The following RFTN2 variants were observed in gnomAD, a reference collection of about 807,000 sequenced individuals.
RFTN2 encodes the protein raftlin family member 2.
In RFTN2, 34 loss-of-function variants were observed where a neutral mutation model predicts 52.7. The observed-to-expected ratio is 0.64, with a 90% CI of 0.49 to 0.86. The LOEUF is 0.86. RFTN2 is among the 40% of genes least tolerant of loss of function. The probability of loss-of-function intolerance (pLI) is 0.00; values close to 1 mark genes in which losing one functional copy is unlikely to be tolerated. For missense variants in RFTN2, 536 were observed against 600.1 expected (o/e 0.89, Z 1.12); for synonymous variants, 203 against 217.7 (o/e 0.93, Z 0.59).
At chr2:197,633,081 T>C (rs1192531205) in intron 4 of RFTN2, among the ~76,000 whole-genome samples, 1 of 152,198 alleles carries the variant, frequency 6.6e-6, no homozygotes, top group Non-Finnish European at 1.5e-5. Flanking sequence ...TAGTGCTTTT[T>C]TAAAGCATGC....
intron 7 of RFTN2, among the ~76,000 whole-genome samples, chr2:197,598,436 T>C (rs2087825462): frequency 6.6e-6 from 1 of 152,192 alleles, no homozygotes; most frequent in African/African-American, 2.4e-5. Context: ...GAGAATTACA[T>C]GAAAGAACCA....
chr2:197,595,371 G>C (rs1362806089), intron 8 of RFTN2, among the ~76,000 whole-genome samples: 1 of 152,150 alleles, frequency 6.6e-6, no homozygotes, highest in African/African-American at 2.4e-5. Context: ...CAGGAGAAAA[G>C]GTTTATTTTC....
chr2:197,637,724 G>A (rs1208690803), intron 3 of RFTN2, among the ~76,000 whole-genome samples: 3 of 149,692 alleles, frequency 2.0e-5, no homozygotes, highest in African/African-American at 7.3e-5. Flanking sequence ...AGGGTTTTTT[G>A]TGTCTCTATT....
chr2:197,668,107 C>A (rs1179038725), intron 1 of RFTN2, among the ~76,000 whole-genome samples: 1 of 152,082 alleles, frequency 6.6e-6, no homozygotes, highest in African/African-American at 2.4e-5. Flanking sequence ...TCTAGGCCTG[C>A]AGGTGGGTGC....
chr2:197,594,562 G>A (rs955109721), intron 8 of RFTN2, among the ~76,000 whole-genome samples: 2 of 152,182 alleles, frequency 1.3e-5, no homozygotes, highest in Non-Finnish European at 2.9e-5. Context: ...AAACTCCTGG[G>A]TTCAAGCAGT....
At chr2:197,612,613 A>G (rs888048017) in intron 7 of RFTN2, among the ~76,000 whole-genome samples, 1 of 152,240 alleles carries the variant, frequency 6.6e-6, no homozygotes, top group African/African-American at 2.4e-5. Flanking sequence ...AGTGATAACA[A>G]TTAAGAAGGG....
intron 1 of RFTN2, among the ~76,000 whole-genome samples, chr2:197,665,098 C>T (rs188691637): frequency 2.0e-5 from 3 of 152,104 alleles, no homozygotes; most frequent in Non-Finnish European, 4.4e-5. Flanking sequence ...CTCAGCATCA[C>T]GCAATATCCC....
intron 8 of RFTN2, among the ~76,000 whole-genome samples, chr2:197,591,587 G>A (rs1202025442): frequency 6.6e-6 from 1 of 152,182 alleles, no homozygotes; most frequent in Non-Finnish European, 1.5e-5. Context: ...CCGTGGGACC[G>A]TGCACACTGG....
chr2:197,617,611 G>A (rs1411090149), intron 6 of RFTN2, among the ~76,000 whole-genome samples, 189 bp downstream of exon 6: 1 of 152,032 alleles, frequency 6.6e-6, no homozygotes, highest in Admixed American at 6.6e-5. Context: ...GCCAGGGGAA[G>A]TTGAGGCTGC....
chr2:197,569,695 C>G lies in RFTN2; in HGVS notation c.*2313G>C, dbSNP rs2087286179. ...CAGTGGCTCACACCTGTAATCCCAG[C>G]ACATTGGGAGGCCAAGGTGGGTGGA... On this transcript the variant is annotated 3_prime_UTR_variant, in exon 9 of 9. Transcript: ENST00000295049. The G allele has an allele frequency of 6.6e-6, 1 of 152,158 alleles. No homozygotes were observed. Among genetic ancestry groups the G allele is most frequent in the Admixed American group, 6.5e-5 (1 of 15,270 alleles). 9.4% of individuals were successfully genotyped at this position (152,158 alleles called of 1,614,324 possible). A position where few individuals can be genotyped will look rare whatever the true frequency, so the allele number is the denominator to read the frequency against.
At position 197,644,236 on chromosome 2, in the gene RFTN2, G is replaced by T. The variant is rs2088715799; in HGVS notation, c.360C>A (p.Arg120=). The T allele has an allele frequency of 1.2e-6, 2 of 1,612,766 alleles. No individual in the cohort carries two copies. Among genetic ancestry groups the T allele is most frequent in the African/African-American group, 1.3e-5 (1 of 74,868 alleles). The stretch of plus-strand genomic sequence containing the variant: ...GACATTCCTCAATCACGAGCCTTGG[G>T]CGTCTTTGTCCACTGGGTGCTGCCG... ...KNSAAPSGQR[R]PRLVIEECPL... The change falls in exon 3 of 9, where the codon CGC becomes CGA. Residue 120 remains arginine, a synonymous_variant. Coordinates refer to ENST00000295049, the MANE Select transcript of RFTN2 (RefSeq NM_144629.3).
At chr2:197,643,701 A>G (rs2088706735) in intron 3 of RFTN2, among the ~76,000 whole-genome samples, 1 of 152,098 alleles carries the variant, frequency 6.6e-6, no homozygotes, top group Non-Finnish European at 1.5e-5. Flanking sequence ...TTTTAAGCTT[A>G]GTTTTCCTAG....
At chr2:197,616,276 T>TG in intron 6 of RFTN2, among the ~76,000 whole-genome samples, 1 of 16,418 alleles carries the variant, frequency 6.1e-5, no homozygotes, top group African/African-American at 3.4e-4. Context: ...TGCATTTTAT[T>TG]TTATTTTATT....
At chr2:197,591,889 A>C (rs951846904) in intron 8 of RFTN2, among the ~76,000 whole-genome samples, 1 of 151,484 alleles carries the variant, frequency 6.6e-6, no homozygotes, top group South Asian at 2.1e-4. Context: ...GCTTGCAAGC[A>C]CTGTGCGCAG....
chr2:197,615,468 G>A (rs1475481814), intron 7 of RFTN2, among the ~76,000 whole-genome samples: 2 of 152,222 alleles, frequency 1.3e-5, no homozygotes, highest in Non-Finnish European at 2.9e-5. Context: ...AAAGGAAAAG[G>A]AAAGTTAGTA....
intron 5 of RFTN2, among the ~76,000 whole-genome samples, chr2:197,623,191 A>T (rs1185859913): frequency 6.6e-6 from 1 of 152,272 alleles, no homozygotes; most frequent in Non-Finnish European, 1.5e-5. Flanking sequence ...TCTGGAAAGG[A>T]TTCACTATTC....
chr2:197,640,876 C>T (rs902326585), intron 3 of RFTN2, among the ~76,000 whole-genome samples: 2 of 152,202 alleles, frequency 1.3e-5, no homozygotes, highest in Admixed American at 6.5e-5. Flanking sequence ...GCTTTTACTT[C>T]GTTTCTTTGT....
intron 1 of RFTN2, among the ~76,000 whole-genome samples, chr2:197,664,868 T>G (rs1008644193): frequency 1.3e-5 from 2 of 152,224 alleles, no homozygotes; most frequent in Non-Finnish European, 2.9e-5. Flanking sequence ...TAAGAATGTG[T>G]ACTCTGAAGT....
At chr2:197,595,141 AGCCCTTCAGCAAAGT>A (rs1448949387) in intron 8 of RFTN2, among the ~76,000 whole-genome samples, 2 of 152,258 alleles carry the variant, frequency 1.3e-5, no homozygotes, top group Non-Finnish European at 2.9e-5. Flanking sequence ...GGATCAGAAT[AGCCCTTCAGCAAAGT>A]GCTGAAAAAA....
Sources: gnomAD v4.1 joint callset for allele counts (sites outside exome capture counted in the v4.1 genomes callset) on GRCh38, gnomAD v4.1.1 for gene constraint, MANE v1.5 for transcripts, NCBI Gene and HGNC (gene_info 2026-07-23, HGNC 2026-07-21) for gene names.